Variants in FBXO10 observed in about 807,000 individuals in gnomAD.
FBXO10 encodes F-box only protein 10.
A neutral mutation model predicts 80.7 loss-of-function variants in FBXO10; 39 were observed. The ratio of observed to expected loss-of-function variants is 0.48; its 90% CI spans 0.37 to 0.63. The LOEUF (loss-of-function observed/expected upper bound fraction) is 0.63, where lower values mean the gene tolerates loss of function less well. FBXO10 is among the 30% of genes least tolerant of loss of function. The probability of loss-of-function intolerance (pLI) is 0.00; values close to 1 mark genes in which losing one functional copy is unlikely to be tolerated. For synonymous variants in FBXO10, 449 were observed against 489.6 expected (o/e 0.92, Z 1.09); for missense variants, 1,025 against 1,269.0 (o/e 0.81, Z 2.92).
intron 9 of FBXO10, among the ~76,000 whole-genome samples, chr9:37,516,971 A>AC (rs1554756410): frequency 1.3e-5 from 2 of 151,814 alleles, no homozygotes; most frequent in Non-Finnish European, 1.5e-5. Context: ...AAAAAAAAAA[A>AC]AAACAAAAAA....
intron 2 of FBXO10, among the ~76,000 whole-genome samples, chr9:37,538,620 A>G (rs1019360231): frequency 6.6e-6 from 1 of 151,550 alleles, no homozygotes; most frequent in African/African-American, 2.4e-5. Context: ...AGGAATGAGA[A>G]TAGCTTGAGC....
At chr9:37,545,175 C>CTTTTTTT (rs397893928) in intron 1 of FBXO10, among the ~76,000 whole-genome samples, 5 of 85,638 alleles carry the variant, frequency 5.8e-5, no homozygotes, top group African/African-American at 2.0e-4. Flanking sequence ...CATTCTCAGG[C>CTTTTTTT]TTTTTTTTTT....
chr9:37,557,725 G>A (rs1258247236), intron 1 of FBXO10, among the ~76,000 whole-genome samples: 2 of 152,078 alleles, frequency 1.3e-5, no homozygotes, highest in African/African-American at 4.8e-5. Flanking sequence ...TCCCCACATG[G>A]TTTACATTTA....
At chr9:37,513,746 T>C (rs4581142) in intron 10 of FBXO10, among the ~76,000 whole-genome samples, 63,793 of 151,890 alleles carry the variant, frequency 0.42, 14,431 homozygotes, top group African/African-American at 0.59. Context: ...CGTGCCATGA[T>C]GCCCAGCTAA....
Position 37,529,236 on chromosome 9 carries a change from G to A in FBXO10, c.1594C>T (p.Arg532Cys), listed in dbSNP as rs778981739. 11 of 1,610,994 alleles carry A rather than the reference G, an allele frequency of 6.8e-6. No homozygotes were observed. Among genetic ancestry groups the A allele is most frequent in the African/African-American group, 6.7e-5 (5 of 74,860 alleles). Reference protein sequence around the residue: ...ILCNQIHHGLRSGIVVLGNGK... With the variant: ...ILCNQIHHGLCSGIVVLGNGK... ...TTGCCAAGGACGACAATGCCAGAGC[G>A]AAGGCCATGGTGGATCTGGTTACAC... is the stretch of plus-strand genomic sequence containing the variant. The change falls in exon 5 of 11, where the codon CGC (arginine) becomes TGC (cysteine). Residue 532 changes from arginine to cysteine, a missense_variant. Arg to Cys is a radical substitution (Grantham distance 180). Coordinates refer to ENST00000432825, the MANE Select transcript of FBXO10 (RefSeq NM_012166.3).
chr9:37,529,351 T>A lies in FBXO10; in HGVS notation c.1570-91A>T, dbSNP rs1472896729. On this transcript the variant is annotated intron_variant, in intron 4 of 10. Transcript: ENST00000432825. ...TGCCGCCCACACCTCCGCGGCAGGA[T>A]GAACACAGTGGAGAAAATGACGTCA... 2.9e-6 allele frequency: 4 copies of A among 1,386,996 alleles called. No homozygotes were observed. The African/African-American group carries it at 4.3e-5, about 15-fold the overall frequency. The allele number at this position is 1,386,996 out of a possible 1,614,324, so 85.9% of individuals were successfully genotyped here.
Position 37,537,093 on chromosome 9 carries a change from TAA to T in FBXO10, c.1419+15_1419+16del. On this transcript the variant is annotated intron_variant, in intron 3 of 10. Transcript: ENST00000432825. ...AGCCACAGGAGCCCCCTGACCAATC[TAA>T]AGTCATGACAGCACCTTGCTATTAT... The T allele has an allele frequency of 6.3e-7, 1 of 1,577,850 alleles. No individual in the cohort carries two copies. The highest frequency in any genetic ancestry group is 2.3e-5 in the East Asian group (1 of 44,338).
intron 1 of FBXO10, among the ~76,000 whole-genome samples, chr9:37,569,281 A>G (rs1333872345): frequency 6.6e-6 from 1 of 151,940 alleles, no homozygotes; most frequent in Non-Finnish European, 1.5e-5. Context: ...ATTATTAGAA[A>G]CAAAAAAGGC....
chr9:37,555,086 T>G (rs930622078), intron 1 of FBXO10, among the ~76,000 whole-genome samples: 1 of 151,092 alleles, frequency 6.6e-6, no homozygotes, highest in African/African-American at 2.5e-5. Flanking sequence ...GGTCACACTT[T>G]GTCACCCAGG....
rs369669726 is a variant in FBXO10, at chr9:37,546,142, T to TAA, written c.-6-4370_-6-4369dup. ...GCCAGAACAAGAGCAAAACTCCATC[T>TAA]AAAAAAAAAAAAGACTGTGATTTTT... On this transcript the variant is annotated intron_variant, in intron 1 of 10. Transcript: ENST00000432825. Among the ~76,000 whole-genome samples the TAA allele has an allele frequency of 5.7e-5, 8 of 141,202 alleles. No homozygotes were observed. The South Asian group carries it at 1.8e-3, about 33-fold the overall frequency. The allele number at this position is 141,202 out of a possible 152,430, so 92.6% of individuals were successfully genotyped here.
At chr9:37,540,243 G>A (rs568032834) in intron 2 of FBXO10, among the ~76,000 whole-genome samples, 16 of 151,374 alleles carry the variant, frequency 1.1e-4, no homozygotes, top group Non-Finnish European at 1.6e-4. Context: ...GCTGGAGTGC[G>A]ATGGCACCAT....
intron 1 of FBXO10, among the ~76,000 whole-genome samples, chr9:37,571,210 A>G (rs1822748198): frequency 6.6e-6 from 1 of 152,136 alleles, no homozygotes; most frequent in Admixed American, 6.6e-5. Context: ...CAAGGGACAA[A>G]GAAGGGGAAA....
chr9:37,553,178 A>G (rs1325310265), intron 1 of FBXO10, among the ~76,000 whole-genome samples: 6 of 152,148 alleles, frequency 3.9e-5, no homozygotes, highest in Non-Finnish European at 7.4e-5. Context: ...AGTAGCTGGG[A>G]CTACAGGCAC....
intron 8 of FBXO10, 89 bp from the exon 9 acceptor site, chr9:37,518,527 T>G (rs1325394594): frequency 2.5e-5 from 28 of 1,118,488 alleles, no homozygotes; most frequent in Non-Finnish European, 3.4e-5. Flanking sequence ...AATTGTGCAC[T>G]CCGGGAGAAC....
chr9:37,536,501 G>A (rs943999298), intron 3 of FBXO10, among the ~76,000 whole-genome samples: 14 of 152,176 alleles, frequency 9.2e-5, no homozygotes, highest in African/African-American at 2.9e-4. Flanking sequence ...AGGCCCAAAT[G>A]TCTCAAGGGG....
In FBXO10 at chr9:37,521,794, G is replaced by C. The variant is rs200906830; in HGVS notation, c.1975C>G (p.His659Asp). The C allele has an allele frequency of 1.9e-6, 3 of 1,606,060 alleles. No individual in the cohort carries two copies. Among genetic ancestry groups the C allele is most frequent in the East Asian group, 2.2e-5 (1 of 44,820 alleles). Residue 659 changes from histidine to aspartate, a missense_variant, in exon 8 of 11, where the codon CAT becomes GAT. Coordinates refer to ENST00000432825, the MANE Select transcript of FBXO10 (RefSeq NM_012166.3). ...GVWMMSSSLP[H>D]VTSNHVSYNG... The stretch of plus-strand genomic sequence containing the variant: ...TAGCTGACGTGGTTGCTGGTGACAT[G>C]GGGGAGGCTGGACGACATCATCCAC...
At chr9:37,565,389 C>T (rs1174977671) in intron 1 of FBXO10, among the ~76,000 whole-genome samples, 1 of 152,120 alleles carries the variant, frequency 6.6e-6, no homozygotes. Flanking sequence ...TGGAAGACAA[C>T]AAAAACAGCA....
intron 3 of FBXO10, among the ~76,000 whole-genome samples, chr9:37,535,509 G>C (rs541568356): frequency 2.0e-4 from 31 of 152,100 alleles, no homozygotes; most frequent in African/African-American, 6.5e-4. Flanking sequence ...CCGCTGCCAT[G>C]CCTGGCTATT....
intron 1 of FBXO10, among the ~76,000 whole-genome samples, chr9:37,574,561 G>T (rs1003608295): frequency 3.3e-5 from 5 of 152,154 alleles, no homozygotes; most frequent in African/African-American, 1.2e-4. Context: ...TTTCTTAAAA[G>T]CCCTGATAAA....
Sources: allele counts gnomAD v4.1 joint callset (sites outside exome capture counted in the v4.1 genomes callset), GRCh38; gene constraint gnomAD v4.1.1; transcripts MANE v1.5; gene names NCBI Gene and HGNC (gene_info 2026-07-23, HGNC 2026-07-21).